ADAMTS17: variants seen among roughly 807,000 people sequenced by gnomAD.
ADAMTS17 encodes A disintegrin and metalloproteinase with thrombospondin motifs 17.
Under a neutral mutation model 141.5 loss-of-function variants are expected in ADAMTS17, and 113 were observed. The observed-to-expected ratio is 0.80, with a 90% CI of 0.69 to 0.93. The LOEUF is 0.93. Among genes scored for constraint, ADAMTS17 ranks in the 40% least tolerant of loss-of-function variants. The pLI is 0.00. For missense variants in ADAMTS17, 1,659 were observed against 1,517.9 expected (o/e 1.09, Z -1.54); for synonymous variants, 768 against 630.6 (o/e 1.22, Z -3.27).
chr15:100,255,099 T>C (rs1213648738), intron 6 of ADAMTS17, among the ~76,000 whole-genome samples: 2 of 152,156 alleles, frequency 1.3e-5, no homozygotes, highest in Non-Finnish European at 2.9e-5. Flanking sequence ...CAAAGATGCT[T>C]GAAACCTGGT....
chr15:100,144,667 G>A (rs937697867), intron 10 of ADAMTS17, among the ~76,000 whole-genome samples: 1 of 152,208 alleles, frequency 6.6e-6, no homozygotes, highest in African/African-American at 2.4e-5. Context: ...ACTAGAACTT[G>A]AAGAAAATGA....
At chr15:100,308,467 T>C (rs184191590) in intron 3 of ADAMTS17, among the ~76,000 whole-genome samples, 1 of 152,334 alleles carries the variant, frequency 6.6e-6, no homozygotes, top group East Asian at 1.9e-4. Context: ...TCATTCACGC[T>C]GGAAGCAATT....
At chr15:100,125,524 C>T (rs947715177) in intron 12 of ADAMTS17, among the ~76,000 whole-genome samples, 1 of 152,164 alleles carries the variant, frequency 6.6e-6, no homozygotes, top group Admixed American at 6.5e-5. Flanking sequence ...CTCTGCACTC[C>T]ACTCTCCTGC....
chr15:100,028,954 A>C (rs79581843), intron 18 of ADAMTS17, among the ~76,000 whole-genome samples: 4,424 of 152,290 alleles, frequency 0.029, 113 homozygotes, highest in African/African-American at 0.067. Flanking sequence ...AACAACCACA[A>C]AAAGTTATCT....
intron 7 of ADAMTS17, among the ~76,000 whole-genome samples, chr15:100,231,638 A>G (rs892972041): frequency 6.6e-6 from 1 of 152,154 alleles, no homozygotes; most frequent in Non-Finnish European, 1.5e-5. Context: ...ATGTCACACA[A>G]TGTGTAATTT....
chr15:100,161,521 G>A (rs1245379350), intron 8 of ADAMTS17, among the ~76,000 whole-genome samples: 1 of 152,148 alleles, frequency 6.6e-6, no homozygotes, highest in Non-Finnish European at 1.5e-5. Flanking sequence ...GATACTGCCT[G>A]GCAATTCCTA....
chr15:100,003,279 G>A (rs1330157866), intron 18 of ADAMTS17, among the ~76,000 whole-genome samples: 1 of 152,108 alleles, frequency 6.6e-6, no homozygotes, highest in African/African-American at 2.4e-5. Context: ...TAGATGTATA[G>A]TCAGAAATAC....
intron 4 of ADAMTS17, among the ~76,000 whole-genome samples, chr15:100,277,708 A>C (rs1478720452): frequency 6.6e-6 from 1 of 152,238 alleles, no homozygotes; most frequent in African/African-American, 2.4e-5. Context: ...TTTCTCAGAA[A>C]TGAGCATCAT....
chr15:100,298,447 C>A (rs1395665617), intron 3 of ADAMTS17, among the ~76,000 whole-genome samples: 1 of 152,120 alleles, frequency 6.6e-6, no homozygotes. Flanking sequence ...GGTGCTCTCC[C>A]AGAGGGAGGG....
At chr15:100,054,097 T>C in intron 15 of ADAMTS17, 43 bp from the exon 16 acceptor site, 1 of 1,611,500 alleles carries the variant, frequency 6.2e-7, no homozygotes, top group Non-Finnish European at 8.5e-7. Context: ...GGGCTGGGGG[T>C]AGGGGGATCC....
intron 7 of ADAMTS17, among the ~76,000 whole-genome samples, chr15:100,239,063 C>A (rs954610617): frequency 6.6e-6 from 1 of 152,200 alleles, no homozygotes; most frequent in East Asian, 1.9e-4. Context: ...GCACTCCAGC[C>A]TGGGCAACAG....
intron 15 of ADAMTS17, among the ~76,000 whole-genome samples, chr15:100,072,828 A>G (rs777447236): frequency 1.5e-4 from 23 of 152,204 alleles, no homozygotes; most frequent in Non-Finnish European, 1.9e-4. Flanking sequence ...AGGCAATACC[A>G]TTCAGGACAT....
chr15:100,125,287 T>G (rs2037672404), intron 12 of ADAMTS17, among the ~76,000 whole-genome samples: 1 of 152,242 alleles, frequency 6.6e-6, no homozygotes, highest in Non-Finnish European at 1.5e-5. Context: ...ACATGTAACT[T>G]ATGCTTCAGT....
At chr15:100,005,044 C>T (rs978371422) in intron 18 of ADAMTS17, among the ~76,000 whole-genome samples, 3 of 152,228 alleles carry the variant, frequency 2.0e-5, no homozygotes, top group African/African-American at 7.2e-5. Flanking sequence ...GCATGAGCCA[C>T]TACGCCTGGC....
Position 100,054,022 on chromosome 15 carries a change from T to A in ADAMTS17, c.2170A>T (p.Ser724Cys), listed in dbSNP as rs1329991202. The A allele has an allele frequency of 1.9e-6, 3 of 1,614,138 alleles. No individual in the cohort carries two copies. In the Admixed American group the frequency reaches 5.0e-5, roughly 27 times the overall value. ...LKDSGKGSIN[S>C]DWKIELPGEF... ...CCGGGGAGCTCTATCTTCCAGTCAC[T>A]GTTGATGGACCCCTTACCCGAGTCT... Residue 724 changes from serine (S) to cysteine (C), a missense_variant, in exon 16 of 22, where the codon AGT becomes TGT. Transcript: ENST00000268070.
chr15:100,183,829 T>C (rs2040608898), intron 8 of ADAMTS17, among the ~76,000 whole-genome samples: 1 of 152,208 alleles, frequency 6.6e-6, no homozygotes, highest in Non-Finnish European at 1.5e-5. Flanking sequence ...CAATGACAGT[T>C]TAGTTTTCAG....
rs559676600 is a variant in ADAMTS17 at position 100,246,270 on chromosome 15, C to G, written c.1075+7866G>C. Among the ~76,000 whole-genome samples, 11 of 152,206 alleles carry G rather than the reference C, an allele frequency of 7.2e-5. No homozygotes were observed. The East Asian group carries it at 1.9e-3, about 27-fold the overall frequency. ...AGCTGAATTTGTGGGATACGAAGCC[C>G]TAAAATGAATAGCATGCGACTTTCC... On this transcript the variant is annotated intron_variant, in intron 7 of 21. Coordinates refer to ENST00000268070, the MANE Select transcript of ADAMTS17 (RefSeq NM_139057.4).
intron 15 of ADAMTS17, among the ~76,000 whole-genome samples, chr15:100,091,010 C>CAAAAAAAAA (rs556800178): frequency 0.014 from 769 of 54,546 alleles, 28 homozygotes; most frequent in African/African-American, 0.051. Flanking sequence ...TCCGTCTCAA[C>CAAAAAAAAA]AAAAAAAAAA....
At chr15:100,192,082 C>T (rs1639061157) in intron 8 of ADAMTS17, among the ~76,000 whole-genome samples, 1 of 152,198 alleles carries the variant, frequency 6.6e-6, no homozygotes, top group Non-Finnish European at 1.5e-5. Context: ...ATAAGGCCTG[C>T]ACGTTTTGAA....
Sources: allele counts gnomAD v4.1 joint callset (sites outside exome capture counted in the v4.1 genomes callset), GRCh38; gene constraint gnomAD v4.1.1; transcripts MANE v1.5; gene names NCBI Gene and HGNC (gene_info 2026-07-23, HGNC 2026-07-21).